TENM3: variants seen among roughly 807,000 people sequenced by gnomAD.
TENM3 encodes teneurin-3.
Under a neutral mutation model 255.1 loss-of-function variants are expected in TENM3, and 63 were observed. The observed-to-expected ratio is 0.25, with a 90% CI of 0.20 to 0.30. The LOEUF (loss-of-function observed/expected upper bound fraction) is 0.30, where lower values mean the gene tolerates loss of function less well. Ranked by LOEUF, TENM3 falls within the 10% of genes least tolerant of loss-of-function variation. The probability of loss-of-function intolerance (pLI) is 1.00; values close to 1 mark genes in which losing one functional copy is unlikely to be tolerated. For synonymous variants in TENM3, 1,306 were observed against 1,322.3 expected, an observed-to-expected ratio of 0.99 and a Z score of 0.27; for missense variants, 2,929 against 3,461.1, an observed-to-expected ratio of 0.85 and a Z score of 3.86.
chr4:182,227,909 C>T (rs902129857), intron 1 of TENM3, among the ~76,000 whole-genome samples: 51 of 152,082 alleles, frequency 3.4e-4, no homozygotes, highest in African/African-American at 1.1e-3. Flanking sequence ...GAGAGGGACC[C>T]GCTGACTTGG....
chr4:182,064,125 T>C, the TENM3 span, among the ~76,000 whole-genome samples: 1 of 151,974 alleles, frequency 6.6e-6, no homozygotes, highest in Non-Finnish European at 1.5e-5. Context: ...AATACCTTTC[T>C]TGTTGGGCAT....
At chr4:182,021,856 G>GA in the TENM3 span, among the ~76,000 whole-genome samples, 327 of 152,014 alleles carry the variant, frequency 2.2e-3, 1 homozygote, top group African/African-American at 7.2e-3. Flanking sequence ...TTTCTAATCA[G>GA]AAAAAAACTT....
chr4:181,999,252 T>C, the TENM3 span, among the ~76,000 whole-genome samples: 2 of 152,080 alleles, frequency 1.3e-5, no homozygotes, highest in Non-Finnish European at 2.9e-5. Context: ...GACAGGAGTG[T>C]GAAAAGAAAA....
the TENM3 span, among the ~76,000 whole-genome samples, chr4:182,045,640 A>G: frequency 6.6e-6 from 1 of 151,406 alleles, no homozygotes; most frequent in Non-Finnish European, 1.5e-5. Flanking sequence ...AGAAATAACT[A>G]TTTAAGGCAG....
chr4:182,036,475 A>ACCAC, the TENM3 span, among the ~76,000 whole-genome samples: 30,890 of 151,956 alleles, frequency 0.2, 3,522 homozygotes, highest in African/African-American at 0.32. Flanking sequence ...ACAGGCGTGA[A>ACCAC]CCACCGCACC....
At chr4:182,468,771 A>G (rs946853913) in intron 3 of TENM3, among the ~76,000 whole-genome samples, 1 of 149,570 alleles carries the variant, frequency 6.7e-6, no homozygotes, top group Non-Finnish European at 1.5e-5. Context: ...AAGTTCTTTC[A>G]TTATTTTTCA....
intron 1 of TENM3, among the ~76,000 whole-genome samples, chr4:182,264,073 A>G (rs1329131168): frequency 6.6e-6 from 1 of 152,182 alleles, no homozygotes; most frequent in Admixed American, 6.5e-5. Context: ...TACCAGTCAG[A>G]TTTCTGGCTT....
the TENM3 span, among the ~76,000 whole-genome samples, chr4:181,484,356 C>G: frequency 6.6e-6 from 1 of 152,034 alleles, no homozygotes; most frequent in East Asian, 1.9e-4. Context: ...AAACAATATC[C>G]TATATGTGAT....
the TENM3 span, among the ~76,000 whole-genome samples, chr4:181,525,920 C>T: frequency 1.3e-5 from 2 of 149,146 alleles, no homozygotes; most frequent in Non-Finnish European, 3.0e-5. Flanking sequence ...CAGCCCTTGC[C>T]TGGGCTGATT....
intron 12 of TENM3, among the ~76,000 whole-genome samples, chr4:182,713,007 C>T (rs2152675527): frequency 6.6e-6 from 1 of 152,328 alleles, no homozygotes; most frequent in Admixed American, 6.5e-5. Flanking sequence ...TCCTCATAAA[C>T]AGATCACATT....
chr4:182,745,817 G>GA (rs10655790), intron 19 of TENM3, among the ~76,000 whole-genome samples: 44,958 of 149,674 alleles, frequency 0.3, 7,610 homozygotes, highest in African/African-American at 0.46. Flanking sequence ...TCTCCCTCTG[G>GA]AAAAAAAAAA....
rs902337749 is a variant in TENM3, at chr4:182,428,208, C to T, written c.511+81279C>T. 3.9e-5 allele frequency among the ~76,000 whole-genome samples: 6 copies of T among 152,110 alleles called. No individual in the cohort carries two copies. In the South Asian group the frequency reaches 6.2e-4, roughly 16 times the overall value. ...GGAAAGTAAAGATTTAGAGGAACTC[C>T]GGTTACTTAAGTGATAAGGAATTAT... On this transcript the variant is annotated intron_variant, in intron 3 of 27. Coordinates refer to ENST00000511685, the MANE Select transcript of TENM3 (RefSeq NM_001080477.4).
At chr4:182,618,169 A>G (rs1041478845) in intron 4 of TENM3, among the ~76,000 whole-genome samples, 1 of 152,084 alleles carries the variant, frequency 6.6e-6, no homozygotes, top group Non-Finnish European at 1.5e-5. Context: ...TTTCTTTTTG[A>G]TTTTTATTTT....
chr4:181,611,630 G>GCTT, the TENM3 span, among the ~76,000 whole-genome samples: 1 of 152,144 alleles, frequency 6.6e-6, no homozygotes, highest in Non-Finnish European at 1.5e-5. Context: ...TGTGGACAAT[G>GCTT]CTTTATTTTT....
chr4:182,341,902 A>G (rs17239258), intron 2 of TENM3, among the ~76,000 whole-genome samples: 24,679 of 152,214 alleles, frequency 0.16, 2,531 homozygotes, highest in Non-Finnish European at 0.23. Flanking sequence ...CTAAATTTCA[A>G]TACCAATGAC....
the TENM3 span, among the ~76,000 whole-genome samples, chr4:181,807,822 C>T: frequency 6.6e-5 from 10 of 152,104 alleles, no homozygotes; most frequent in Non-Finnish European, 1.5e-4. Flanking sequence ...AAATAATAAT[C>T]AAGGTTGTAG....
intron 3 of TENM3, among the ~76,000 whole-genome samples, chr4:182,577,404 A>C (rs1745047269): frequency 6.6e-6 from 1 of 152,160 alleles, no homozygotes; most frequent in African/African-American, 2.4e-5. Context: ...AATGAGGGAA[A>C]CAGTGAATGA....
At chr4:181,568,949 A>G in the TENM3 span, among the ~76,000 whole-genome samples, 5 of 152,230 alleles carry the variant, frequency 3.3e-5, no homozygotes, top group African/African-American at 9.6e-5. Flanking sequence ...TTACGTGTGT[A>G]TCCCAAAAGC....
intron 3 of TENM3, among the ~76,000 whole-genome samples, chr4:182,532,707 G>A (rs1314166344): frequency 6.6e-6 from 1 of 152,120 alleles, no homozygotes; most frequent in Non-Finnish European, 1.5e-5. Flanking sequence ...AGTTAATAAT[G>A]CACCAACAGG....
Sources: gnomAD v4.1 joint callset for allele counts (sites outside exome capture counted in the v4.1 genomes callset) on GRCh38, gnomAD v4.1.1 for gene constraint, MANE v1.5 for transcripts, NCBI Gene and HGNC (gene_info 2026-07-23, HGNC 2026-07-21) for gene names.